The following KPNA3 variants were observed in gnomAD, a reference collection of about 807,000 sequenced individuals.
KPNA3 encodes the protein importin subunit alpha-4.
In KPNA3, 13 loss-of-function variants were observed where a neutral mutation model predicts 73.8. The ratio of observed to expected loss-of-function variants is 0.18; its 90% CI spans 0.11 to 0.28. KPNA3 has a LOEUF of 0.28. Ranked by LOEUF, KPNA3 falls within the 10% of genes least tolerant of loss-of-function variation. KPNA3 has a pLI of 1.00. For synonymous variants in KPNA3, 186 were observed against 206.9 expected (o/e 0.90, Z 0.87); for missense variants, 360 against 618.1 (o/e 0.58, Z 4.43).
At chr13:49,722,830 T>TAA (rs10693298) in intron 7 of KPNA3, among the ~76,000 whole-genome samples, 18,544 of 79,366 alleles carry the variant, frequency 0.23, 2,619 homozygotes, top group Non-Finnish European at 0.31. Context: ...TATAATCCAT[T>TAA]AAAAAAAAAA....
At chr13:49,771,456 T>C (rs575006788) in intron 1 of KPNA3, among the ~76,000 whole-genome samples, 4 of 152,220 alleles carry the variant, frequency 2.6e-5, no homozygotes, top group South Asian at 2.1e-4. Flanking sequence ...TGTAACAAAA[T>C]TGTTATTTTG....
intron 1 of KPNA3, among the ~76,000 whole-genome samples, chr13:49,781,131 C>G (rs1954937577): frequency 6.6e-6 from 1 of 152,188 alleles, no homozygotes; most frequent in South Asian, 2.1e-4. Context: ...TCAGCTCAGG[C>G]ACAATCACCT....
chr13:49,739,561 C>T lies in KPNA3; in HGVS notation c.115-6515G>A, dbSNP rs781592351. 1.1e-4 allele frequency among the ~76,000 whole-genome samples: 16 copies of T among 152,268 alleles called. No individual in the cohort carries two copies. The South Asian group carries it at 1.2e-3, about 12-fold the overall frequency. ...GAGGTAAAAGAAAAAACAATTCACA[C>T]GAAAGGAGTCAGAGGCCAGGTAAAC... On this transcript the variant is annotated intron_variant, in intron 2 of 16. Transcript: ENST00000261667.
At chr13:49,719,970 C>G in intron 9 of KPNA3, 151 bp from the exon 10 acceptor site, 1 of 556,890 alleles carries the variant, frequency 1.8e-6, no homozygotes, top group Non-Finnish European at 3.1e-6. Context: ...AAATGAAAAC[C>G]TGATAAATTC....
chr13:49,711,753 G>A (rs886842563), intron 10 of KPNA3, among the ~76,000 whole-genome samples: 1 of 152,244 alleles, frequency 6.6e-6, no homozygotes, highest in Non-Finnish European at 1.5e-5. Context: ...GCAAAATCAA[G>A]ATGTTTCCTA....
At chr13:49,733,282 G>GTGTTT (rs1954487008) in intron 2 of KPNA3, among the ~76,000 whole-genome samples, 2 of 100,914 alleles carry the variant, frequency 2.0e-5, no homozygotes, top group East Asian at 5.5e-4. Flanking sequence ...CCACTGTGGT[G>GTGTTT]TTTTTTTTTT....
chr13:49,747,700 TAAG>T (rs370603309), intron 1 of KPNA3, among the ~76,000 whole-genome samples: 47 of 152,176 alleles, frequency 3.1e-4, no homozygotes, highest in Non-Finnish European at 1.6e-4. Flanking sequence ...AATAAATAAA[TAAG>T]AAGAAATTTA....
intron 9 of KPNA3, among the ~76,000 whole-genome samples, chr13:49,720,477 C>G (rs575439536): frequency 6.6e-6 from 1 of 152,212 alleles, no homozygotes; most frequent in East Asian, 1.9e-4. Context: ...ACACAGTTGG[C>G]CAAGTGTGGT....
intron 2 of KPNA3, among the ~76,000 whole-genome samples, chr13:49,743,422 T>C (rs958520827): frequency 6.6e-6 from 1 of 152,082 alleles, no homozygotes; most frequent in Non-Finnish European, 1.5e-5. Flanking sequence ...TCAGGCGTTG[T>C]TTCAGGAAAA....
intron 1 of KPNA3, 75 bp from the exon 2 acceptor site, chr13:49,747,068 G>A: frequency 1.8e-6 from 2 of 1,099,596 alleles, no homozygotes; most frequent in South Asian, 2.6e-5. Context: ...TCAGCTGGGT[G>A]CAGTGGCTCA....
chr13:49,756,797 C>A (rs935613799), intron 1 of KPNA3, among the ~76,000 whole-genome samples: 2 of 152,114 alleles, frequency 1.3e-5, no homozygotes, highest in African/African-American at 4.8e-5. Flanking sequence ...ATCAATCTAG[C>A]CAATTTCAAG....
At chr13:49,770,552 T>C (rs1456919460) in intron 1 of KPNA3, among the ~76,000 whole-genome samples, 1 of 152,038 alleles carries the variant, frequency 6.6e-6, no homozygotes, top group Admixed American at 6.5e-5. Context: ...AATTTACCTA[T>C]ATTTCCTCTT....
intron 1 of KPNA3, among the ~76,000 whole-genome samples, chr13:49,758,099 T>C (rs370824390): frequency 5.9e-5 from 9 of 151,732 alleles, no homozygotes; most frequent in African/African-American, 1.5e-4. Context: ...GGGGAATCAA[T>C]AGAAAATAAC....
chr13:49,710,965 T>C lies in KPNA3; in HGVS notation c.829A>G (p.Ile277Val), dbSNP rs1452521916. 1 of 1,613,596 alleles carries C rather than the reference T, an allele frequency of 6.2e-7. No homozygotes were observed. The highest frequency in any genetic ancestry group is 2.2e-5 in the East Asian group (1 of 44,862). The change falls in exon 11 of 17, where the codon ATA becomes GTA. Residue 277 changes from isoleucine to valine, a missense_variant. Ile to Val is a conservative substitution (Grantham distance 29). Transcript: ENST00000261667. The stretch of plus-strand genomic sequence containing the variant: ...ACTCCTGAATCAATAACCATCTGTA[T>C]CTGTTCATTACCTCCATCTGTCAAG... ...SYLTDGGNEQ[I>V]QMVIDSGVVP...
chr13:49,711,582 T>C (rs1339851464), intron 10 of KPNA3, among the ~76,000 whole-genome samples: 1 of 152,222 alleles, frequency 6.6e-6, no homozygotes, highest in African/African-American at 2.4e-5. Context: ...AACTGAAGTA[T>C]AAACCTGGAG....
intron 1 of KPNA3, among the ~76,000 whole-genome samples, chr13:49,778,980 A>G (rs1278889046): frequency 6.6e-6 from 1 of 152,244 alleles, no homozygotes. Flanking sequence ...CTGAAATCAG[A>G]AAACCTGGTT....
At chr13:49,762,178 C>A (rs1443452760) in intron 1 of KPNA3, among the ~76,000 whole-genome samples, 1 of 150,136 alleles carries the variant, frequency 6.7e-6, no homozygotes, top group African/African-American at 2.5e-5. Flanking sequence ...GCCCGGCCAG[C>A]CGCCTCGTCC....
chr13:49,710,154 C>G (rs927605686), intron 11 of KPNA3, among the ~76,000 whole-genome samples: 1 of 152,140 alleles, frequency 6.6e-6, no homozygotes, highest in African/African-American at 2.4e-5. Flanking sequence ...CCCAGCTACT[C>G]TGAAGGCTGA....
At chr13:49,783,754 C>T (rs1313570631) in intron 1 of KPNA3, among the ~76,000 whole-genome samples, 1 of 152,124 alleles carries the variant, frequency 6.6e-6, no homozygotes, top group East Asian at 1.9e-4. Flanking sequence ...TGTCCCATTT[C>T]CCCCAAATAA....
Sources: allele counts gnomAD v4.1 joint callset (sites outside exome capture counted in the v4.1 genomes callset), GRCh38; gene constraint gnomAD v4.1.1; transcripts MANE v1.5; gene names NCBI Gene and HGNC (gene_info 2026-07-23, HGNC 2026-07-21).